RAB8B: variants seen among roughly 807,000 people sequenced by gnomAD.
The protein encoded by RAB8B is ras-related protein Rab-8B.
A neutral mutation model predicts 32.0 loss-of-function variants in RAB8B; 11 were observed. The ratio of observed to expected loss-of-function variants is 0.34; its 90% confidence interval spans 0.22 to 0.57. RAB8B has a LOEUF of 0.57. RAB8B is among the 20% of genes least tolerant of loss of function. RAB8B has a pLI of 0.86. For missense variants in RAB8B, 190 were observed against 258.5 expected, an observed-to-expected ratio of 0.73 and a Z score of 1.82; for synonymous variants, 103 against 89.6, an observed-to-expected ratio of 1.15 and a Z score of -0.85.
chr15:63,232,635 A>G (rs979734546), intron 1 of RAB8B, among the ~76,000 whole-genome samples: 3 of 152,222 alleles, frequency 2.0e-5, no homozygotes, highest in African/African-American at 4.8e-5. Flanking sequence ...GCCACTTCCT[A>G]TTCATAGGAT....
intron 1 of RAB8B, among the ~76,000 whole-genome samples, chr15:63,238,863 C>T (rs1262716316): frequency 1.3e-5 from 2 of 152,144 alleles, no homozygotes; most frequent in African/African-American, 4.8e-5. Context: ...CTTAGCCTGC[C>T]AGAACATGAC....
chr15:63,246,925 G>T (rs2038077038), intron 2 of RAB8B, among the ~76,000 whole-genome samples: 1 of 152,184 alleles, frequency 6.6e-6, no homozygotes, highest in Non-Finnish European at 1.5e-5. Context: ...TTTAGTATCT[G>T]TGTGCCAAGA....
rs2038189912 is a variant in RAB8B at position 63,259,960 on chromosome 15, G to A, written c.480+268G>A. ...AGCGATTCTCCTGCCTCAGCCTCCC[G>A]AGTAGCTGGTACTATAGGTGTGCAT... On this transcript the variant is annotated intron_variant, in intron 6 of 7. Coordinates refer to ENST00000321437, the MANE Select transcript of RAB8B (RefSeq NM_016530.3). This position sits in a 1 kb window ranked among gnomAD's most constrained non-coding sequence, Gnocchi z 4.4. Among the ~76,000 whole-genome samples the A allele has an allele frequency of 6.6e-6, 1 of 151,906 alleles. No individual in the cohort carries two copies. The highest frequency in any genetic ancestry group is 1.5e-5 in the Non-Finnish European group (1 of 67,994).
At chr15:63,214,559 C>A (rs549268263) in intron 1 of RAB8B, among the ~76,000 whole-genome samples, 1 of 152,114 alleles carries the variant, frequency 6.6e-6, no homozygotes, top group East Asian at 1.9e-4. Context: ...CTCACTTGAT[C>A]TTAGCCAAAA....
At chr15:63,258,717 G>T (rs1033957296) in intron 5 of RAB8B, among the ~76,000 whole-genome samples, 11 of 152,110 alleles carry the variant, frequency 7.2e-5, no homozygotes, top group African/African-American at 2.4e-4. Context: ...TGGGTTACTT[G>T]GTTTACACTC....
At chr15:63,253,360 T>C (rs1030612518) in intron 3 of RAB8B, among the ~76,000 whole-genome samples, 2 of 152,208 alleles carry the variant, frequency 1.3e-5, no homozygotes, top group Non-Finnish European at 2.9e-5. Context: ...TTATATTTTA[T>C]GTTTACTTAC....
intron 3 of RAB8B, among the ~76,000 whole-genome samples, chr15:63,252,665 G>C (rs1326673875): frequency 6.6e-6 from 1 of 151,834 alleles, no homozygotes; most frequent in African/African-American, 2.4e-5. Flanking sequence ...AATCCACTTT[G>C]AATTGTTTTT....
intron 1 of RAB8B, among the ~76,000 whole-genome samples, chr15:63,220,034 T>C (rs1338352523): frequency 6.6e-6 from 1 of 152,248 alleles, no homozygotes; most frequent in Non-Finnish European, 1.5e-5. Flanking sequence ...AAACTATGGT[T>C]TCTGAAGAAA....
intron 1 of RAB8B, among the ~76,000 whole-genome samples, chr15:63,239,410 GT>G (rs71131153): frequency 0.29 from 34,641 of 120,626 alleles, 2,796 homozygotes; most frequent in East Asian, 0.37. Flanking sequence ...AATTTCCGAA[GT>G]TTTTTTTTTT....
Position 63,215,935 on chromosome 15 carries a change from G to A in RAB8B, c.124+26187G>A, listed in dbSNP as rs368005416. ...CACCTGTGGTCCCAGCTACTCTGGC[G>A]GCTGAGGTGGGAGGATCACTTGAAC... On this transcript the variant is annotated intron_variant, in intron 1 of 7. Coordinates refer to ENST00000321437, the MANE Select transcript of RAB8B (RefSeq NM_016530.3). 7.9e-5 allele frequency among the ~76,000 whole-genome samples: 12 copies of A among 152,048 alleles called. No homozygotes were observed. In the East Asian group the frequency reaches 1.5e-3, roughly 20 times the overall value.
intron 1 of RAB8B, among the ~76,000 whole-genome samples, chr15:63,223,378 G>A (rs907114489): frequency 2.0e-5 from 3 of 152,168 alleles, no homozygotes; most frequent in Non-Finnish European, 2.9e-5. Context: ...CCAAAGTGCT[G>A]GGATTACAGG....
intron 2 of RAB8B, among the ~76,000 whole-genome samples, chr15:63,246,361 T>C (rs79411446): frequency 0.044 from 6,723 of 152,298 alleles, 237 homozygotes; most frequent in East Asian, 0.17. Context: ...CACCTCTACT[T>C]CTGACCAACT....
At chr15:63,227,793 G>C (rs2037901136) in intron 1 of RAB8B, among the ~76,000 whole-genome samples, 6 of 152,168 alleles carry the variant, frequency 3.9e-5, no homozygotes, top group Admixed American at 3.9e-4. Context: ...GTTCACCAAG[G>C]CTGCTTTTGC....
intron 1 of RAB8B, among the ~76,000 whole-genome samples, chr15:63,207,272 G>A (rs562305083): frequency 6.6e-6 from 1 of 152,238 alleles, no homozygotes; most frequent in East Asian, 1.9e-4. Flanking sequence ...CATATCCCTA[G>A]CTCCTAGCGC....
At chr15:63,206,732 A>G (rs564773105) in intron 1 of RAB8B, among the ~76,000 whole-genome samples, 8 of 152,074 alleles carry the variant, frequency 5.3e-5, no homozygotes, top group Admixed American at 5.2e-4. Flanking sequence ...GATATCCCAT[A>G]AACTCGCTAC....
At chr15:63,203,745 G>C (rs988248068) in intron 1 of RAB8B, among the ~76,000 whole-genome samples, 2 of 152,206 alleles carry the variant, frequency 1.3e-5, no homozygotes, top group Admixed American at 1.3e-4. Flanking sequence ...GGTAATTGAG[G>C]CACAGAATGT....
At chr15:63,238,701 A>G (rs2038005369) in intron 1 of RAB8B, among the ~76,000 whole-genome samples, 1 of 152,148 alleles carries the variant, frequency 6.6e-6, no homozygotes, top group Admixed American at 6.6e-5. Context: ...ATTTTTCTCA[A>G]TAGCCTTTCT....
intron 1 of RAB8B, among the ~76,000 whole-genome samples, chr15:63,216,601 G>A (rs565976946): frequency 1.3e-5 from 2 of 150,570 alleles, no homozygotes; most frequent in African/African-American, 2.4e-5. Flanking sequence ...GGTGGCTCAC[G>A]CCTGTAATCC....
chr15:63,208,705 A>G (rs2037720013), intron 1 of RAB8B, among the ~76,000 whole-genome samples: 1 of 151,924 alleles, frequency 6.6e-6, no homozygotes, highest in Non-Finnish European at 1.5e-5. Flanking sequence ...TGTTCCTCAT[A>G]TGTCACTTTC....
Sources: allele counts gnomAD v4.1 joint callset (sites outside exome capture counted in the v4.1 genomes callset), GRCh38; gene constraint gnomAD v4.1.1; non-coding constraint Gnocchi (gnomAD v3.1); transcripts MANE v1.5; gene names NCBI Gene and HGNC (gene_info 2026-07-23, HGNC 2026-07-21).